GCKR: variants seen among roughly 807,000 people sequenced by gnomAD.
GCKR encodes glucokinase regulator, also known as glucokinase regulatory protein.
GCKR carries 73 observed loss-of-function variants against 82.9 expected under a neutral mutation model. The ratio of observed to expected loss-of-function variants is 0.88; its 90% CI spans 0.73 to 1.07. The LOEUF (loss-of-function observed/expected upper bound fraction) is 1.07. Among genes scored for constraint, GCKR ranks in the 50% least tolerant of loss-of-function variants. GCKR has a pLI of 0.00. For synonymous variants in GCKR, 294 were observed against 291.8 expected (o/e 1.01, Z -0.08); for missense variants, 784 against 782.1 (o/e 1.00, Z -0.03).
At chr2:27,521,165 C>T (rs1670142900) in intron 17 of GCKR, among the ~76,000 whole-genome samples, 1 of 152,086 alleles carries the variant, frequency 6.6e-6, no homozygotes, top group Admixed American at 6.6e-5. Context: ...TGCAAAATAT[C>T]TGACTAATAA....
intron 17 of GCKR, among the ~76,000 whole-genome samples, chr2:27,520,292 A>C (rs1670119319): frequency 6.6e-6 from 1 of 152,082 alleles, no homozygotes; most frequent in South Asian, 2.1e-4. Flanking sequence ...TAGCAAAAAG[A>C]AGGCCTCATG....
intron 6 of GCKR, 27 bp downstream of exon 6, chr2:27,499,235 A>G: frequency 1.3e-6 from 2 of 1,533,466 alleles, no homozygotes; most frequent in Non-Finnish European, 9.0e-7. Flanking sequence ...GACATTGACC[A>G]GAGACCTCTA....
At chr2:27,507,120 C>T (rs1669767850) in intron 12 of GCKR, 115 bp from the exon 13 acceptor site, 2 of 826,826 alleles carry the variant, frequency 2.4e-6, no homozygotes, top group Admixed American at 1.7e-5. Context: ...CTACTCCTCA[C>T]TCTACGCCCC....
intron 18 of GCKR, 114 bp downstream of exon 18, chr2:27,522,708 C>T: frequency 1.2e-6 from 1 of 866,938 alleles, no homozygotes; most frequent in Non-Finnish European, 1.9e-6. Flanking sequence ...CTCACAAGGA[C>T]CTCCACATTC....
intron 16 of GCKR, among the ~76,000 whole-genome samples, chr2:27,511,932 C>A (rs576383213): frequency 6.6e-6 from 1 of 152,070 alleles, no homozygotes; most frequent in Non-Finnish European, 1.5e-5. Context: ...TCTTTCTTTT[C>A]CCCTGAATTA....
rs755101460 is a variant in GCKR, at chr2:27,508,257, G to A, written c.1422+6G>A. 8.3e-6 allele frequency: 13 copies of A among 1,562,584 alleles called. No individual in the cohort carries two copies. The highest frequency in any genetic ancestry group is 1.1e-5 in the Non-Finnish European group (13 of 1,133,062). The stretch of plus-strand genomic sequence containing the variant: ...ATGAAGGGAACTTCATCCAGGTATG[G>A]GGAATGAGAAGGTCCTATCTGCAGT... On this transcript the variant is annotated splice_donor_region_variant and intron_variant, in intron 16 of 18. Transcript: ENST00000264717.
At position 27,496,890 on chromosome 2, in the gene GCKR, C is replaced by T. The variant is rs770024969; in HGVS notation, c.-15C>T. 3.1e-6 allele frequency: 5 copies of T among 1,610,760 alleles called. No homozygotes were observed. Among genetic ancestry groups the T allele is most frequent in the Non-Finnish European group, 4.2e-6 (5 of 1,176,938 alleles). On this transcript the variant is annotated 5_prime_UTR_variant, in exon 1 of 19. Coordinates refer to ENST00000264717, the MANE Select transcript of GCKR (RefSeq NM_001486.4). ...TGAAGAGGCAGGAGGAACAGTGTAT[C>T]CACAGCGTGGGACCATGCCAGGCAC...
Position 27,521,532 on chromosome 2 carries a change from G to A in GCKR, c.1573-928G>A, listed in dbSNP as rs1490207376. Among the ~76,000 whole-genome samples the A allele has an allele frequency of 2.7e-5, 4 of 148,482 alleles. No homozygotes were observed. The East Asian group carries it at 6.0e-4, about 22-fold the overall frequency. Reference sequence around the variant, plus strand: ...TTTTTTTTGTATTTTTAGTAGAGACGGGATTTCACCATATTGGCCAGGCTG... The same window carrying A: ...TTTTTTTTGTATTTTTAGTAGAGACAGGATTTCACCATATTGGCCAGGCTG... On this transcript the variant is annotated intron_variant, in intron 17 of 18. Transcript: ENST00000264717.
At chr2:27,500,748 A>G (rs1477371113) in intron 7 of GCKR, among the ~76,000 whole-genome samples, 2 of 152,258 alleles carry the variant, frequency 1.3e-5, no homozygotes, top group Non-Finnish European at 2.9e-5. Flanking sequence ...GCACTGAGCC[A>G]GATGACTCCA....
Position 27,497,314 on chromosome 2 carries a change from C to G in GCKR, c.131C>G (p.Ala44Gly), listed in dbSNP as rs1572857416. ...CCACTGACCCAGGATCTAGACAAAG[C>G]AGATGCTGAGAACATTGTTCGACTG... The part of the protein sequence containing the change: ...SNPLTQDLDK[A>G]DAENIVRLLG... The change falls in exon 2 of 19, where the codon GCA becomes GGA. Residue 44 changes from alanine to glycine, a missense_variant. By Grantham distance (60) the Ala-to-Gly change is moderately conservative (BLOSUM62 0). Coordinates refer to ENST00000264717, the MANE Select transcript of GCKR (RefSeq NM_001486.4). The G allele has an allele frequency of 6.2e-7, 1 of 1,614,006 alleles. No individual in the cohort carries two copies. The highest frequency in any genetic ancestry group is 8.5e-7 in the Non-Finnish European group (1 of 1,179,862).
chr2:27,499,570 A>AT, intron 7 of GCKR, 120 bp downstream of exon 7: 1 of 847,360 alleles, frequency 1.2e-6, no homozygotes, highest in Non-Finnish European at 2.1e-6. Flanking sequence ...TGCTCAAGGA[A>AT]TTTTGGTTTT....
chr2:27,502,724 A>G (rs1188812558), intron 8 of GCKR, among the ~76,000 whole-genome samples: 1 of 152,188 alleles, frequency 6.6e-6, no homozygotes. Context: ...ATACAGAAGA[A>G]AAAAAATACA....
intron 16 of GCKR, among the ~76,000 whole-genome samples, chr2:27,518,527 A>G (rs183215081): frequency 2.4e-3 from 369 of 152,302 alleles, no homozygotes; most frequent in Non-Finnish European, 3.9e-3. Context: ...CAAAATTCTA[A>G]TATGGAAGGA....
rs1670202182 is a variant in GCKR at position 27,523,514 on chromosome 2, C to A, written c.*75C>A. Reference sequence around the variant, plus strand: ...CCAGCCCGCCCAAGGGGACTTGTGCCAGCAGAACATGTGGGAGGAAGAAGC... The same window carrying A: ...CCAGCCCGCCCAAGGGGACTTGTGCAAGCAGAACATGTGGGAGGAAGAAGC... On this transcript the variant is annotated 3_prime_UTR_variant, in exon 19 of 19. Coordinates refer to ENST00000264717, the MANE Select transcript of GCKR (RefSeq NM_001486.4). 3 of 1,453,722 alleles carry A rather than the reference C, an allele frequency of 2.1e-6. No homozygotes were observed. The highest frequency in any genetic ancestry group is 2.9e-6 in the Non-Finnish European group (3 of 1,049,056). The allele number at this position is 1,453,722 out of a possible 1,614,324, so 90.1% of individuals were successfully genotyped here. A position where few individuals can be genotyped will look rare whatever the true frequency, so the allele number is the denominator to read the frequency against.
At chr2:27,500,193 C>T (rs761113993) in intron 7 of GCKR, among the ~76,000 whole-genome samples, 21 of 152,146 alleles carry the variant, frequency 1.4e-4, no homozygotes, top group South Asian at 4.1e-4. Flanking sequence ...CAGGTTCAAG[C>T]GATTCTCCTG....
In GCKR at chr2:27,501,249, TGGGCAGCCCTG is replaced by T; in HGVS notation, c.644+27_644+37del. On this transcript the variant is annotated intron_variant, in intron 8 of 18. Transcript: ENST00000264717. ...GGCCAGGTGAGCCTTCTGGAATGACTGGGCAGCCCTGGGGCAGGCTGGAGGGGAACATGTCA... is the reference window on the plus strand; with the variant it reads ...GGCCAGGTGAGCCTTCTGGAATGACTGGGCAGGCTGGAGGGGAACATGTCA... 6.7e-7 allele frequency: 1 copy of T among 1,493,956 alleles called. No individual in the cohort carries two copies. The highest frequency in any genetic ancestry group is 9.3e-7 in the Non-Finnish European group (1 of 1,070,056). 92.5% of individuals were successfully genotyped at this position (1,493,956 alleles called of 1,614,324 possible).
chr2:27,505,125 C>CAAAAAAAAAAAAAA, intron 9 of GCKR, among the ~76,000 whole-genome samples: 1 of 25,442 alleles, frequency 3.9e-5, no homozygotes. Flanking sequence ...GACTCCATCT[C>CAAAAAAAAAAAAAA]AAAAAAAAAA....
intron 16 of GCKR, 49 bp downstream of exon 16, chr2:27,508,300 AG>A (rs1258053494): frequency 8.4e-7 from 1 of 1,196,438 alleles, no homozygotes; most frequent in Non-Finnish European, 1.3e-6. Context: ...TCAGAGGGTG[AG>A]GGATTCCAAG....
chr2:27,505,649 G>C, intron 9 of GCKR, 69 bp from the exon 10 acceptor site: 2 of 830,780 alleles, frequency 2.4e-6, no homozygotes, highest in Non-Finnish European at 4.3e-6. Flanking sequence ...ATGCCCGGGG[G>C]TTACTAACAA....
Sources: gnomAD v4.1 joint callset for allele counts (sites outside exome capture counted in the v4.1 genomes callset) on GRCh38, gnomAD v4.1.1 for gene constraint, MANE v1.5 for transcripts, NCBI Gene and HGNC (gene_info 2026-07-23, HGNC 2026-07-21) for gene names.